The following HIPK2 variants were observed in gnomAD, a reference collection of about 807,000 sequenced individuals.
HIPK2 encodes homeodomain-interacting protein kinase 2.
In HIPK2, 27 loss-of-function variants were observed where a neutral mutation model predicts 113.7. That is an observed-to-expected ratio of 0.24 (90% CI 0.17 to 0.33). The LOEUF (loss-of-function observed/expected upper bound fraction) is 0.33. Among genes scored for constraint, HIPK2 ranks in the 10% least tolerant of loss-of-function variants. The pLI is 1.00. For synonymous variants in HIPK2, 631 were observed against 642.2 expected, an observed-to-expected ratio of 0.98 and a Z score of 0.26; for missense variants, 1,257 against 1,588.0, an observed-to-expected ratio of 0.79 and a Z score of 3.54.
chr7:139,575,897 T>TGCA (rs1356776324), intron 13 of HIPK2, among the ~76,000 whole-genome samples: 15 of 152,374 alleles, frequency 9.8e-5, no homozygotes, highest in African/African-American at 3.6e-4. Context: ...GCTAGGAAGA[T>TGCA]GCAGCACAAA....
At chr7:139,585,030 T>C (rs560801626) in intron 12 of HIPK2, among the ~76,000 whole-genome samples, 1 of 152,266 alleles carries the variant, frequency 6.6e-6, no homozygotes, top group African/African-American at 2.4e-5. Flanking sequence ...GCATGATGGA[T>C]GTGAAATTTA....
At chr7:139,581,664 T>C (rs1798673048) in intron 13 of HIPK2, among the ~76,000 whole-genome samples, 1 of 152,206 alleles carries the variant, frequency 6.6e-6, no homozygotes, top group Non-Finnish European at 1.5e-5. Context: ...GGCTGTACCT[T>C]GGCCTGTATG....
At chr7:139,750,558 G>A (rs550897629) in intron 1 of HIPK2, among the ~76,000 whole-genome samples, 7 of 152,354 alleles carry the variant, frequency 4.6e-5, no homozygotes, top group Admixed American at 3.9e-4. Flanking sequence ...ACGTAGACTG[G>A]CAGTTCTGCT....
intron 1 of HIPK2, among the ~76,000 whole-genome samples, chr7:139,758,732 C>T (rs546221841): frequency 6.6e-6 from 1 of 152,142 alleles, no homozygotes; most frequent in Admixed American, 6.5e-5. Context: ...ATGGTTTCAT[C>T]CTGAAACCAC....
At chr7:139,691,426 A>G (rs1259375592) in intron 2 of HIPK2, among the ~76,000 whole-genome samples, 1 of 152,222 alleles carries the variant, frequency 6.6e-6, no homozygotes, top group Admixed American at 6.5e-5. Flanking sequence ...TAAGACAATA[A>G]TAGCAGATAG....
intron 2 of HIPK2, among the ~76,000 whole-genome samples, chr7:139,655,644 A>G (rs1379474292): frequency 6.6e-6 from 1 of 152,120 alleles, no homozygotes; most frequent in Non-Finnish European, 1.5e-5. Flanking sequence ...GCACTGATGG[A>G]CGCACAAGTG....
chr7:139,749,223 A>G (rs1481130191), intron 1 of HIPK2, among the ~76,000 whole-genome samples: 2 of 152,250 alleles, frequency 1.3e-5, no homozygotes, highest in Non-Finnish European at 2.9e-5. Context: ...CACTGTCATC[A>G]TACAAATCAC....
At chr7:139,766,407 C>T (rs1161001177) in intron 1 of HIPK2, among the ~76,000 whole-genome samples, 2 of 152,228 alleles carry the variant, frequency 1.3e-5, no homozygotes, top group South Asian at 2.1e-4. Flanking sequence ...CTGCCCTCTA[C>T]CACATTCCTA....
At chr7:139,744,226 T>A (rs1796152736) in intron 1 of HIPK2, among the ~76,000 whole-genome samples, 1 of 152,242 alleles carries the variant, frequency 6.6e-6, no homozygotes. Context: ...CGTGAAACAC[T>A]ATTTGGCAAT....
chr7:139,761,939 CAGAG>C lies in HIPK2; in HGVS notation c.19+15662_19+15665del, dbSNP rs137949324. 4.6e-3 allele frequency among the ~76,000 whole-genome samples: 678 copies of C among 148,646 alleles called. 7 individuals carry two copies. The highest frequency in any genetic ancestry group is 0.016 in the African/African-American group (647 of 40,738). ...AACAGTGGTCATTTCTGGACAGAGA[CAGAG>C]AGAGAGAGAGAGAGAGACTAACTGT... is the stretch of plus-strand genomic sequence containing the variant. On this transcript the variant is annotated intron_variant, in intron 1 of 14. Transcript: ENST00000406875.
chr7:139,686,859 T>G (rs1271828227), intron 2 of HIPK2, among the ~76,000 whole-genome samples: 1 of 152,238 alleles, frequency 6.6e-6, no homozygotes, highest in African/African-American at 2.4e-5. Flanking sequence ...GCTCAAATGT[T>G]ATCAAACAGC....
rs1485547086 is a variant in HIPK2 at position 139,631,427 on chromosome 7, G to C, written c.1228-143C>G. The C allele has an allele frequency of 7.0e-7, 1 of 1,429,620 alleles. No individual in the cohort carries two copies. Among genetic ancestry groups the C allele is most frequent in the African/African-American group, 1.4e-5 (1 of 69,088 alleles). 88.6% of individuals were successfully genotyped at this position (1,429,620 alleles called of 1,614,324 possible). On this transcript the variant is annotated intron_variant, in intron 3 of 14. Coordinates refer to ENST00000406875, the MANE Select transcript of HIPK2 (RefSeq NM_022740.5). This position sits in a 1 kb window ranked among gnomAD's most constrained non-coding sequence, Gnocchi z 4.9. The stretch of plus-strand genomic sequence containing the variant: ...TAACAAAAAAGAGAAAAAAGAAAAA[G>C]GGAAAAGAGAAAGGAATAAAGAAAA...
At chr7:139,587,009 T>C (rs1244754482) in intron 12 of HIPK2, among the ~76,000 whole-genome samples, 2 of 152,174 alleles carry the variant, frequency 1.3e-5, no homozygotes, top group East Asian at 3.9e-4. Flanking sequence ...GTTCTGAAAA[T>C]AGATAACGGT....
At chr7:139,729,242 T>C (rs1795689339) in intron 1 of HIPK2, among the ~76,000 whole-genome samples, 1 of 151,278 alleles carries the variant, frequency 6.6e-6, no homozygotes. Flanking sequence ...GGAGGATCAC[T>C]TGAAGCTGGG....
intron 13 of HIPK2, among the ~76,000 whole-genome samples, chr7:139,578,102 C>T (rs543864677): frequency 5.3e-5 from 8 of 152,096 alleles, no homozygotes; most frequent in Non-Finnish European, 8.8e-5. Context: ...CTCCGCCTCC[C>T]GGGTTCAAGT....
rs1798252337 is a variant in HIPK2 at position 139,570,945 on chromosome 7, C to T, written c.*1982G>A. 6.6e-6 allele frequency: 1 copy of T among 152,244 alleles called. No individual in the cohort carries two copies. Among genetic ancestry groups the T allele is most frequent in the South Asian group, 2.1e-4 (1 of 4,830 alleles). The allele number at this position is 152,244 out of a possible 1,614,324, so 9.4% of individuals were successfully genotyped here. ...AGAGAGGGAACTCCCCACTTCTCCA[C>T]ACCTCCATCCCCAGAAGTGTCCAAA... On this transcript the variant is annotated 3_prime_UTR_variant, in exon 15 of 15. Transcript: ENST00000406875.
chr7:139,772,339 A>G (rs1001720703), intron 1 of HIPK2, among the ~76,000 whole-genome samples: 2 of 152,278 alleles, frequency 1.3e-5, no homozygotes, highest in African/African-American at 4.8e-5. Context: ...AACAAAGCCT[A>G]CGACACACCA....
At chr7:139,768,475 A>G (rs1241956742) in intron 1 of HIPK2, among the ~76,000 whole-genome samples, 1 of 152,156 alleles carries the variant, frequency 6.6e-6, no homozygotes, top group Non-Finnish European at 1.5e-5. Context: ...TTAATGACTT[A>G]AAAGTGCTTT....
chr7:139,581,328 G>A (rs1798662018), intron 13 of HIPK2, among the ~76,000 whole-genome samples: 1 of 152,218 alleles, frequency 6.6e-6, no homozygotes, highest in African/African-American at 2.4e-5. Context: ...GTCGGGTGAA[G>A]GCAGCTTCAG....
Sources: allele counts gnomAD v4.1 joint callset (sites outside exome capture counted in the v4.1 genomes callset), GRCh38; gene constraint gnomAD v4.1.1; non-coding constraint Gnocchi (gnomAD v3.1); transcripts MANE v1.5; gene names NCBI Gene and HGNC (gene_info 2026-07-23, HGNC 2026-07-21).